The following TTC7B variants were observed in gnomAD, a reference collection of about 807,000 sequenced individuals.
TTC7B encodes the protein tetratricopeptide repeat domain 7B.
TTC7B carries 28 observed loss-of-function variants against 106.8 expected under a neutral mutation model. The ratio of observed to expected loss-of-function variants is 0.26; its 90% confidence interval spans 0.19 to 0.36. TTC7B has a LOEUF of 0.36. Among genes scored for constraint, TTC7B ranks in the 10% least tolerant of loss-of-function variants. The pLI is 1.00. For synonymous variants in TTC7B, 405 were observed against 430.6 expected (o/e 0.94, Z 0.74); for missense variants, 862 against 1,076.4 (o/e 0.80, Z 2.79).
chr14:90,576,938 T>C (rs1347565111), intron 19 of TTC7B, among the ~76,000 whole-genome samples: 1 of 152,194 alleles, frequency 6.6e-6, no homozygotes, highest in Non-Finnish European at 1.5e-5. Context: ...TGCCTTCATT[T>C]TGCAGAAAGG....
chr14:90,791,035 C>T (rs142950652), intron 1 of TTC7B, among the ~76,000 whole-genome samples: 2,463 of 152,154 alleles, frequency 0.016, 41 homozygotes, highest in Non-Finnish European at 0.024. Flanking sequence ...GCTTCCCGCT[C>T]CTGACCTCCC....
At chr14:90,689,778 G>A (rs2139938783) in intron 6 of TTC7B, 66 bp from the exon 7 acceptor site, 1 of 1,535,408 alleles carries the variant, frequency 6.5e-7, no homozygotes. Flanking sequence ...CATTCAGTCA[G>A]TCAATAAATA....
chr14:90,608,025 G>A lies in TTC7B; in HGVS notation c.1966+2717C>T, dbSNP rs578185772. Among the ~76,000 whole-genome samples, 2 of 152,090 alleles carry A rather than the reference G, an allele frequency of 1.3e-5. No individual in the cohort carries two copies. Among genetic ancestry groups the A allele is most frequent in the African/African-American group, 4.8e-5 (2 of 41,414 alleles). ...TTTTTAGCTTTTGAATTATGTAAAT[G>A]TATTTCCTCTTCAAATCAAATCAAG... On this transcript the variant is annotated intron_variant, in intron 17 of 19. Transcript: ENST00000328459. This position sits in a 1 kb window ranked among gnomAD's most constrained non-coding sequence, Gnocchi z 5.1.
chr14:90,558,252 C>T (rs917766175), intron 19 of TTC7B, among the ~76,000 whole-genome samples: 1 of 152,240 alleles, frequency 6.6e-6, no homozygotes, highest in Non-Finnish European at 1.5e-5. Context: ...GTGAAGTCCA[C>T]CTGGGGAGGT....
chr14:90,617,625 A>C (rs1383901647), intron 16 of TTC7B, among the ~76,000 whole-genome samples: 1 of 152,224 alleles, frequency 6.6e-6, no homozygotes, highest in Admixed American at 6.5e-5. Context: ...AGACTGGTCA[A>C]AGGAGTTAGG....
chr14:90,676,448 C>T (rs1402489023), intron 9 of TTC7B, 75 bp downstream of exon 9: 2 of 1,545,360 alleles, frequency 1.3e-6, no homozygotes. Context: ...AGGACCAGGT[C>T]TCACAGCGCT....
intron 8 of TTC7B, chr14:90,677,961 C>A (rs552259061): frequency 2.8e-6 from 1 of 361,172 alleles, no homozygotes; most frequent in African/African-American, 2.1e-5. Flanking sequence ...GTTAGGAGTC[C>A]CTCTTGAGCC....
At chr14:90,621,704 C>T (rs868026070) in intron 15 of TTC7B, among the ~76,000 whole-genome samples, 9 of 152,194 alleles carry the variant, frequency 5.9e-5, no homozygotes, top group Admixed American at 1.3e-4. Flanking sequence ...CTTGGGATGC[C>T]CAAGGGAAAG....
intron 6 of TTC7B, among the ~76,000 whole-genome samples, chr14:90,692,671 C>T (rs1887523103): frequency 6.6e-6 from 1 of 152,162 alleles, no homozygotes; most frequent in South Asian, 2.1e-4. Context: ...TTTCATTGTG[C>T]TTCCAAATCT....
intron 4 of TTC7B, among the ~76,000 whole-genome samples, chr14:90,733,647 C>T (rs899276729): frequency 1.1e-4 from 17 of 152,188 alleles, no homozygotes; most frequent in Middle Eastern, 3.2e-3. Flanking sequence ...TGCCAACAAG[C>T]GTCCTTAACA....
In TTC7B at chr14:90,644,256, C is replaced by T. The variant is rs895231441; in HGVS notation, c.1591-48G>A. 6 of 1,351,628 alleles carry T rather than the reference C, an allele frequency of 4.4e-6. No individual in the cohort carries two copies. The Admixed American group carries it at 7.8e-5, about 17-fold the overall frequency. The allele number at this position is 1,351,628 out of a possible 1,614,324, so 83.7% of individuals were successfully genotyped here. The stretch of plus-strand genomic sequence containing the variant: ...AAGGTTTTACATACACACATGCACA[C>T]GCACACACACACACACACACACACG... On this transcript the variant is annotated intron_variant, in intron 14 of 19. Transcript: ENST00000328459.
chr14:90,654,179 T>C (rs903670884), intron 12 of TTC7B, among the ~76,000 whole-genome samples: 2 of 152,130 alleles, frequency 1.3e-5, no homozygotes, highest in Non-Finnish European at 2.9e-5. Context: ...GAGTTTGTGA[T>C]TGGGAGGGGC....
rs1889124912 is a variant in TTC7B, at chr14:90,525,432, G to A, written c.*15936C>T. 7.0e-6 allele frequency: 1 copy of A among 143,640 alleles called. No individual in the cohort carries two copies. Among genetic ancestry groups the A allele is most frequent in the South Asian group, 2.2e-4 (1 of 4,568 alleles). 8.9% of individuals were successfully genotyped at this position (143,640 alleles called of 1,614,324 possible). On this transcript the variant is annotated 3_prime_UTR_variant, in exon 20 of 20. Coordinates refer to ENST00000328459, the MANE Select transcript of TTC7B (RefSeq NM_001010854.2). ...GGGGACTGCAGGGAGGCCGGGCTGA[G>A]TCAGCGCCACTGCCGCTGCTGCGTG...
At chr14:90,788,871 G>A (rs1015434817) in intron 1 of TTC7B, among the ~76,000 whole-genome samples, 3 of 151,756 alleles carry the variant, frequency 2.0e-5, no homozygotes, top group East Asian at 3.9e-4. Context: ...GCTGAGGCAG[G>A]AGAATCGCTT....
At chr14:90,752,354 CA>C (rs892022202) in intron 3 of TTC7B, among the ~76,000 whole-genome samples, 3 of 152,046 alleles carry the variant, frequency 2.0e-5, no homozygotes, top group African/African-American at 7.2e-5. Context: ...CCCATCTCTA[CA>C]AAAAATTTAA....
intron 11 of TTC7B, among the ~76,000 whole-genome samples, chr14:90,656,826 A>G (rs1240994131): frequency 6.6e-6 from 1 of 152,234 alleles, no homozygotes; most frequent in East Asian, 1.9e-4. Flanking sequence ...AGGTTCAGCC[A>G]GGGATGCTAA....
chr14:90,753,678 T>C (rs546440785), intron 3 of TTC7B, among the ~76,000 whole-genome samples: 2 of 152,304 alleles, frequency 1.3e-5, no homozygotes, highest in East Asian at 3.9e-4. Flanking sequence ...CCAGAGCATC[T>C]ATGATTTAGG....
chr14:90,543,922 A>C (rs1427779879), intron 19 of TTC7B, among the ~76,000 whole-genome samples: 1 of 152,236 alleles, frequency 6.6e-6, no homozygotes, highest in African/African-American at 2.4e-5. Flanking sequence ...TGATGGCAGG[A>C]ATGTGCCTGC....
At chr14:90,634,685 T>A (rs1036173926) in intron 15 of TTC7B, among the ~76,000 whole-genome samples, 1 of 152,004 alleles carries the variant, frequency 6.6e-6, no homozygotes, top group African/African-American at 2.4e-5. Context: ...GGCACAAGAA[T>A]CGCTTGAACC....
Sources: allele counts gnomAD v4.1 joint callset (sites outside exome capture counted in the v4.1 genomes callset), GRCh38; gene constraint gnomAD v4.1.1; non-coding constraint Gnocchi (gnomAD v3.1); transcripts MANE v1.5; gene names NCBI Gene and HGNC (gene_info 2026-07-23, HGNC 2026-07-21).